The following AK5 variants were observed in gnomAD, a reference collection of about 807,000 sequenced individuals.
The protein encoded by AK5 is adenylate kinase 5, also known as adenylate kinase isoenzyme 5.
In AK5, 27 loss-of-function variants were observed where a neutral mutation model predicts 69.5. That is an observed-to-expected ratio of 0.39 (90% CI 0.29 to 0.54). The LOEUF is 0.54. AK5 is among the 20% of genes least tolerant of loss of function. The pLI is 0.71. For missense variants in AK5, 531 were observed against 700.4 expected, an observed-to-expected ratio of 0.76 and a Z score of 2.73; for synonymous variants, 260 against 244.4, an observed-to-expected ratio of 1.06 and a Z score of -0.60.
At chr1:77,435,083 G>C (rs979471886) in intron 8 of AK5, among the ~76,000 whole-genome samples, 1 of 152,158 alleles carries the variant, frequency 6.6e-6, no homozygotes, top group Admixed American at 6.5e-5. Context: ...GCTTGAAGTA[G>C]AGAAAAAAGT....
At chr1:77,375,747 G>A (rs1052246470) in intron 6 of AK5, among the ~76,000 whole-genome samples, 3 of 152,116 alleles carry the variant, frequency 2.0e-5, no homozygotes, top group African/African-American at 4.8e-5. Flanking sequence ...TAGAGACGCT[G>A]TGATAATCAA....
rs1402087527 is a variant in AK5, at chr1:77,297,911, A to G, written c.663A>G (p.Pro221=). ...DEEGIVIDGF[P]RDVAQALSFE... ...AGGGCATTGTTATTGATGGATTTCC[A>G]AGAGATGTTGCCCAGGCTCTATCTT... The change falls in exon 5 of 14, where the codon CCA becomes CCG. Residue 221 remains proline (P), a synonymous_variant. Coordinates refer to ENST00000354567, the MANE Select transcript of AK5 (RefSeq NM_174858.3). The G allele has an allele frequency of 5.0e-6, 8 of 1,613,310 alleles. No homozygotes were observed. The African/African-American group carries it at 9.3e-5, about 19-fold the overall frequency.
chr1:77,477,558 T>C (rs1343676124), intron 8 of AK5, among the ~76,000 whole-genome samples: 1 of 152,242 alleles, frequency 6.6e-6, no homozygotes, highest in African/African-American at 2.4e-5. Context: ...TTTGAGTTAT[T>C]CTGTTTAGTA....
intron 8 of AK5, among the ~76,000 whole-genome samples, chr1:77,439,019 A>G (rs376737980): frequency 6.6e-5 from 10 of 152,332 alleles, no homozygotes; most frequent in East Asian, 5.8e-4. Context: ...GGCGACTCGT[A>G]GAAACGAAGA....
At chr1:77,303,843 T>A (rs1453981) in intron 5 of AK5, among the ~76,000 whole-genome samples, 21,359 of 152,182 alleles carry the variant, frequency 0.14, 1,628 homozygotes, top group African/African-American at 0.19. Context: ...TATGCTCAAA[T>A]TCTTTTTTAA....
At chr1:77,410,384 T>G (rs2100568317) in intron 6 of AK5, among the ~76,000 whole-genome samples, 1 of 152,106 alleles carries the variant, frequency 6.6e-6, no homozygotes. Flanking sequence ...TTCAAGTGAT[T>G]CTCGTGCCTC....
Position 77,321,015 on chromosome 1 carries a change from C to G in AK5, c.700-19362C>G, listed in dbSNP as rs1171501121. ...TAATTGGAAATGTTAACAATCTTCT[C>G]TCAGTATTTAATATTAACAACTAGG... On this transcript the variant is annotated intron_variant, in intron 5 of 13. Transcript: ENST00000354567. Among the ~76,000 whole-genome samples the G allele has an allele frequency of 3.3e-5, 5 of 152,236 alleles. No individual in the cohort carries two copies. In the South Asian group the frequency reaches 6.2e-4, roughly 19 times the overall value.
At chr1:77,374,415 A>G (rs10873933) in intron 6 of AK5, among the ~76,000 whole-genome samples, 28,639 of 134,034 alleles carry the variant, frequency 0.21, 3,188 homozygotes, top group Middle Eastern at 0.33. Flanking sequence ...AATTGAGGTA[A>G]TGCTTTTTTT....
intron 5 of AK5, among the ~76,000 whole-genome samples, chr1:77,334,384 G>T (rs1661241770): frequency 6.6e-6 from 1 of 151,782 alleles, no homozygotes; most frequent in African/African-American, 2.4e-5. Flanking sequence ...GATATTTTTT[G>T]GTCTGTCTAG....
At chr1:77,358,018 T>TGTGTGTGTGTGTGAGAGAGAGAGA (rs762714026) in intron 6 of AK5, among the ~76,000 whole-genome samples, 1 of 128,272 alleles carries the variant, frequency 7.8e-6, no homozygotes, top group African/African-American at 2.8e-5. Flanking sequence ...TGTGTGTGTG[T>TGTGTGTGTGTGTGAGAGAGAGAGA]GAGAGAGAGA....
At chr1:77,476,783 C>T (rs1359677371) in intron 8 of AK5, among the ~76,000 whole-genome samples, 1 of 151,984 alleles carries the variant, frequency 6.6e-6, no homozygotes, top group Non-Finnish European at 1.5e-5. Flanking sequence ...TGCCTACTTC[C>T]TAGTTTTTTT....
intron 8 of AK5, among the ~76,000 whole-genome samples, chr1:77,477,003 A>AGTGTGTGTGTGTGTGT (rs10625085): frequency 1.4e-5 from 2 of 147,000 alleles, no homozygotes; most frequent in African/African-American, 5.0e-5. Flanking sequence ...TGTTCTTTTT[A>AGTGTGTGTGTGTGTGT]GTGTGTGTGT....
At chr1:77,499,353 A>G (rs1021463178) in intron 10 of AK5, among the ~76,000 whole-genome samples, 2 of 152,102 alleles carry the variant, frequency 1.3e-5, no homozygotes, top group Admixed American at 6.5e-5. Context: ...GACTCAGGTG[A>G]TATTTTTTCT....
intron 6 of AK5, chr1:77,346,238 C>A: frequency 6.6e-6 from 1 of 152,126 alleles, no homozygotes; most frequent in Non-Finnish European, 1.5e-5. Flanking sequence ...GTGAAGGATC[C>A]ACTGTAATTC....
intron 6 of AK5, among the ~76,000 whole-genome samples, chr1:77,362,316 G>T (rs1368305538): frequency 6.6e-6 from 1 of 151,920 alleles, no homozygotes; most frequent in Non-Finnish European, 1.5e-5. Context: ...CTCTTACGTG[G>T]TTTAAAAAGT....
chr1:77,380,324 A>C (rs1367282372), intron 6 of AK5, among the ~76,000 whole-genome samples: 6 of 152,186 alleles, frequency 3.9e-5, no homozygotes, highest in Non-Finnish European at 7.3e-5. Flanking sequence ...CTTTATAGCC[A>C]ATCCTCTCAA....
chr1:77,340,719 G>A, intron 6 of AK5, 151 bp downstream of exon 6: 1 of 507,162 alleles, frequency 2.0e-6, no homozygotes, highest in Non-Finnish European at 3.2e-6. Context: ...ATTTTGACCT[G>A]ATTTGCCTTT....
chr1:77,291,749 C>T (rs1658701679), intron 2 of AK5, among the ~76,000 whole-genome samples: 1 of 152,202 alleles, frequency 6.6e-6, no homozygotes, highest in African/African-American at 2.4e-5. Context: ...GTAGGTAAGG[C>T]CCCTGCTCTC....
At chr1:77,466,832 G>T (rs984797015) in intron 8 of AK5, among the ~76,000 whole-genome samples, 1 of 152,184 alleles carries the variant, frequency 6.6e-6, no homozygotes, top group African/African-American at 2.4e-5. Flanking sequence ...ACATGGTTGC[G>T]CTGGGGATTA....
Sources: allele counts gnomAD v4.1 joint callset (sites outside exome capture counted in the v4.1 genomes callset), GRCh38; gene constraint gnomAD v4.1.1; transcripts MANE v1.5; gene names NCBI Gene and HGNC (gene_info 2026-07-23, HGNC 2026-07-21).